GRM7: variants seen among roughly 807,000 people sequenced by gnomAD.
GRM7 encodes the protein glutamate metabotropic receptor 7.
A neutral mutation model predicts 84.5 loss-of-function variants in GRM7; 35 were observed. That is an observed-to-expected ratio of 0.41 (90% confidence interval 0.32 to 0.55). The LOEUF (loss-of-function observed/expected upper bound fraction) is 0.55, where lower values mean the gene tolerates loss of function less well. GRM7 is among the 20% of genes least tolerant of loss of function. The pLI is 0.19. For missense variants in GRM7, 1,003 were observed against 1,194.6 expected (o/e 0.84, Z 2.36); for synonymous variants, 487 against 455.1 (o/e 1.07, Z -0.89).
intron 2 of GRM7, among the ~76,000 whole-genome samples, chr3:7,244,344 T>C (rs1697675721): frequency 6.6e-6 from 1 of 152,102 alleles, no homozygotes; most frequent in Non-Finnish European, 1.5e-5. Flanking sequence ...TGACCACATC[T>C]TCAGCACATT....
intron 2 of GRM7, among the ~76,000 whole-genome samples, chr3:7,237,625 C>A (rs2124912921): frequency 6.6e-6 from 1 of 152,162 alleles, no homozygotes; most frequent in East Asian, 1.9e-4. Flanking sequence ...AAGCCGCAGA[C>A]CTTTGCAGTG....
chr3:7,247,108 T>A (rs1002615133), intron 2 of GRM7, among the ~76,000 whole-genome samples: 5 of 152,092 alleles, frequency 3.3e-5, no homozygotes, highest in African/African-American at 7.2e-5. Context: ...TCTACATATT[T>A]AAAAAAATAA....
chr3:7,334,398 A>G (rs977812212), intron 4 of GRM7, among the ~76,000 whole-genome samples: 1 of 152,156 alleles, frequency 6.6e-6, no homozygotes, highest in African/African-American at 2.4e-5. Flanking sequence ...GATCTACTAA[A>G]AAGGGTTCTA....
At position 7,146,610 on chromosome 3, in the gene GRM7, G is replaced by A. The variant is rs374449698; in HGVS notation, c.678G>A (p.Ser226=). The change falls in exon 2 of 10, where the codon TCG becomes TCA. Residue 226 remains serine (S), a synonymous_variant. Coordinates refer to ENST00000357716, the MANE Select transcript of GRM7 (RefSeq NM_000844.4). ...GGAATTATGTGTCTACCCTCGCATC[G>A]GAAGGAAGTTATGGAGAGAAAGGTG... ...LGWNYVSTLA[S]EGSYGEKGVE... 4.3e-5 allele frequency: 70 copies of A among 1,613,882 alleles called. No individual in the cohort carries two copies. Among genetic ancestry groups the A allele is most frequent in the East Asian group, 6.7e-5 (3 of 44,882 alleles).
At chr3:7,614,449 T>C (rs548483499) in intron 8 of GRM7, among the ~76,000 whole-genome samples, 94 of 152,246 alleles carry the variant, frequency 6.2e-4, no homozygotes, top group African/African-American at 2.1e-3. Context: ...ATTCCTCAAA[T>C]GGATTTACAG....
At chr3:7,636,175 G>A (rs1407143786) in intron 8 of GRM7, 1 of 455,948 alleles carries the variant, frequency 2.2e-6, no homozygotes, top group African/African-American at 2.0e-5. Context: ...TGTCCACTAG[G>A]CTAACTTCTA....
At chr3:7,661,974 G>C (rs1189879322) in intron 8 of GRM7, among the ~76,000 whole-genome samples, 1 of 151,908 alleles carries the variant, frequency 6.6e-6, no homozygotes, top group African/African-American at 2.4e-5. Context: ...ATTAGTGACA[G>C]TAGTTGCCAA....
At chr3:7,561,624 C>T (rs966972031) in intron 7 of GRM7, 2 of 454,660 alleles carry the variant, frequency 4.4e-6, no homozygotes, top group Non-Finnish European at 8.9e-6. Flanking sequence ...TCCCTTTAGT[C>T]CTCCAGCAGT....
chr3:6,909,718 C>T (rs1472619003), intron 1 of GRM7, among the ~76,000 whole-genome samples: 2 of 152,000 alleles, frequency 1.3e-5, no homozygotes, highest in Non-Finnish European at 2.9e-5. Context: ...ACATTCTTTC[C>T]CTTTGGGTCT....
intron 7 of GRM7, among the ~76,000 whole-genome samples, chr3:7,483,513 G>A (rs530102658): frequency 1.4e-4 from 22 of 152,314 alleles, no homozygotes; most frequent in African/African-American, 4.8e-4. Flanking sequence ...AAGGTGAATA[G>A]GAGGTAGGAG....
intron 1 of GRM7, among the ~76,000 whole-genome samples, chr3:6,875,791 G>A (rs1695280320): frequency 6.6e-6 from 1 of 151,944 alleles, no homozygotes; most frequent in Non-Finnish European, 1.5e-5. Context: ...ACCATAAATT[G>A]GTTTTCTAGA....
chr3:7,504,095 A>ACTCT (rs1446231487), intron 7 of GRM7, among the ~76,000 whole-genome samples: 1 of 152,200 alleles, frequency 6.6e-6, no homozygotes, highest in Non-Finnish European at 1.5e-5. Flanking sequence ...AAATGTATGA[A>ACTCT]AAAAAGTTGA....
chr3:7,679,099 T>C (rs1700253370), intron 8 of GRM7, among the ~76,000 whole-genome samples: 2 of 152,114 alleles, frequency 1.3e-5, no homozygotes, highest in Admixed American at 1.3e-4. Flanking sequence ...AGTGTATCAG[T>C]AAAGAAGCTG....
intron 4 of GRM7, among the ~76,000 whole-genome samples, chr3:7,346,865 A>G (rs956264520): frequency 3.3e-5 from 5 of 152,160 alleles, no homozygotes; most frequent in East Asian, 1.9e-4. Context: ...AAGAAATACC[A>G]TAAGTCTTAC....
At chr3:7,167,744 C>T (rs963024094) in intron 2 of GRM7, among the ~76,000 whole-genome samples, 10 of 151,852 alleles carry the variant, frequency 6.6e-5, no homozygotes, top group African/African-American at 2.4e-4. Flanking sequence ...CCGAGGCGGG[C>T]GGATCACGAG....
intron 8 of GRM7, among the ~76,000 whole-genome samples, chr3:7,656,286 C>G (rs965073369): frequency 6.6e-6 from 1 of 151,990 alleles, no homozygotes; most frequent in Non-Finnish European, 1.5e-5. Context: ...GTCAAAAGTT[C>G]AAGACCAGCC....
At chr3:6,996,308 A>G (rs754788511) in intron 1 of GRM7, among the ~76,000 whole-genome samples, 15 of 152,310 alleles carry the variant, frequency 9.8e-5, no homozygotes, top group Non-Finnish European at 1.9e-4. Context: ...TCGGTCTCCC[A>G]AAGTGCTGGG....
intron 1 of GRM7, among the ~76,000 whole-genome samples, chr3:6,940,046 A>C (rs777745556): frequency 3.3e-5 from 5 of 152,184 alleles, no homozygotes; most frequent in Non-Finnish European, 7.3e-5. Context: ...AATATATGAA[A>C]TATTTAATTT....
chr3:7,232,250 T>TAA (rs879482721), intron 2 of GRM7, among the ~76,000 whole-genome samples: 4 of 142,866 alleles, frequency 2.8e-5, no homozygotes, highest in African/African-American at 5.1e-5. Flanking sequence ...TCAGATCTTG[T>TAA]AAAAAAAAAA....
Sources: allele counts gnomAD v4.1 joint callset (sites outside exome capture counted in the v4.1 genomes callset), GRCh38; gene constraint gnomAD v4.1.1; transcripts MANE v1.5; gene names NCBI Gene and HGNC (gene_info 2026-07-23, HGNC 2026-07-21).